Variants in SNX29 observed in about 807,000 individuals in gnomAD.
SNX29 encodes sorting nexin 29.
Under a neutral mutation model 102.1 loss-of-function variants are expected in SNX29, and 78 were observed. The observed-to-expected ratio is 0.76, with a 90% CI of 0.64 to 0.92. The LOEUF (loss-of-function observed/expected upper bound fraction) is 0.92, where lower values mean the gene tolerates loss of function less well. SNX29 is among the 40% of genes least tolerant of loss of function. SNX29 has a pLI of 0.00. For missense variants in SNX29, 1,280 were observed against 1,061.7 expected (o/e 1.21, Z -2.86); for synonymous variants, 580 against 414.5 (o/e 1.40, Z -4.85).
chr16:12,512,421 T>G (rs2089672928), intron 19 of SNX29, among the ~76,000 whole-genome samples: 2 of 120,638 alleles, frequency 1.7e-5, no homozygotes, highest in African/African-American at 3.2e-5. Context: ...TATATATAGT[T>G]TTCGGTTTTT....
At chr16:12,485,527 C>T (rs1384407258) in intron 19 of SNX29, among the ~76,000 whole-genome samples, 14 of 152,180 alleles carry the variant, frequency 9.2e-5, no homozygotes, top group Admixed American at 9.2e-4. Context: ...GAGGAACCGA[C>T]TGGTACTCGC....
At chr16:12,503,308 T>C (rs1597637866) in intron 19 of SNX29, among the ~76,000 whole-genome samples, 2 of 152,196 alleles carry the variant, frequency 1.3e-5, no homozygotes, top group Middle Eastern at 3.4e-3. Flanking sequence ...ATAACATAGC[T>C]CGTGTTTATT....
intron 3 of SNX29, among the ~76,000 whole-genome samples, chr16:12,011,352 T>G (rs1335418716): frequency 2.6e-5 from 4 of 151,968 alleles, no homozygotes; most frequent in Non-Finnish European, 4.4e-5. Context: ...CTTGGCTCAC[T>G]GCAACCTCTG....
intron 15 of SNX29, among the ~76,000 whole-genome samples, chr16:12,336,976 C>T (rs767142160): frequency 6.6e-6 from 1 of 152,152 alleles, no homozygotes; most frequent in African/African-American, 2.4e-5. Context: ...AAAACAGACA[C>T]CACAAGAAGC....
At chr16:12,068,963 A>G in intron 9 of SNX29, 94 bp from the exon 10 acceptor site, 2 of 1,170,278 alleles carry the variant, frequency 1.7e-6, no homozygotes, top group Non-Finnish European at 1.2e-6. Context: ...CAAGTGATGT[A>G]GCAGATGAGC....
chr16:12,247,626 G>A (rs2142352920), intron 14 of SNX29, among the ~76,000 whole-genome samples: 1 of 152,318 alleles, frequency 6.6e-6, no homozygotes. Context: ...GCTCAGCAGG[G>A]CCTGCATTTC....
At chr16:12,097,093 A>T (rs1484760034) in intron 11 of SNX29, among the ~76,000 whole-genome samples, 1 of 152,166 alleles carries the variant, frequency 6.6e-6, no homozygotes, top group African/African-American at 2.4e-5. Context: ...GGATGTCGGG[A>T]TGGGCTTGAG....
chr16:12,373,160 T>G (rs985188781), intron 16 of SNX29: 3 of 152,242 alleles, frequency 2.0e-5, no homozygotes, highest in Non-Finnish European at 4.4e-5. Context: ...TAAGAGACAG[T>G]CTCGCTGTGT....
chr16:12,036,419 C>G (rs2057475803), intron 4 of SNX29, among the ~76,000 whole-genome samples: 1 of 151,120 alleles, frequency 6.6e-6, no homozygotes, highest in African/African-American at 2.4e-5. Context: ...ACTGCCAGCT[C>G]CGCCTCCCGG....
At position 12,183,254 on chromosome 16, in the gene SNX29, G is replaced by C. The variant is rs180788045; in HGVS notation, c.1596-16347G>C. On this transcript the variant is annotated intron_variant, in intron 13 of 20. Coordinates refer to ENST00000566228, the MANE Select transcript of SNX29 (RefSeq NM_032167.5). ...GGGCTCAAGCGATCCTCCCGCCTTA[G>C]CCTCCCAAAGTGCTGAGATTACAGG... Among the ~76,000 whole-genome samples the C allele has an allele frequency of 2.0e-5, 3 of 152,302 alleles. No homozygotes were observed. In the East Asian group the frequency reaches 5.8e-4, roughly 29 times the overall value.
intron 20 of SNX29, chr16:12,527,285 A>G (rs1442532966): frequency 3.8e-6 from 2 of 531,736 alleles, no homozygotes; most frequent in Non-Finnish European, 7.3e-6. Context: ...TCCTTTCTCC[A>G]TGTGCTGCCC....
chr16:12,240,276 T>C (rs577656437), intron 14 of SNX29, among the ~76,000 whole-genome samples: 1 of 152,350 alleles, frequency 6.6e-6, no homozygotes, highest in South Asian at 2.1e-4. Flanking sequence ...TGGCAAAGAC[T>C]GTCAACATGC....
intron 17 of SNX29, 59 bp downstream of exon 17, chr16:12,398,560 T>C: frequency 1.3e-6 from 2 of 1,592,626 alleles, no homozygotes; most frequent in Non-Finnish European, 1.7e-6. Flanking sequence ...TGTTGTTGGC[T>C]TCTGTCCCAG....
intron 16 of SNX29, among the ~76,000 whole-genome samples, chr16:12,389,259 G>C (rs2083441145): frequency 6.6e-6 from 1 of 152,260 alleles, no homozygotes; most frequent in South Asian, 2.1e-4. Flanking sequence ...CATGAGAACT[G>C]ATATGGATTG....
At chr16:12,199,149 A>G (rs1258672257) in intron 13 of SNX29, among the ~76,000 whole-genome samples, 2 of 152,256 alleles carry the variant, frequency 1.3e-5, no homozygotes, top group Non-Finnish European at 2.9e-5. Context: ...GACACTTGAC[A>G]TGATGCCTGG....
At chr16:12,182,470 C>G (rs1319222607) in intron 13 of SNX29, among the ~76,000 whole-genome samples, 1 of 152,172 alleles carries the variant, frequency 6.6e-6, no homozygotes, top group Non-Finnish European at 1.5e-5. Flanking sequence ...AACGCTTGCT[C>G]ATTCAGAGCA....
intron 14 of SNX29, among the ~76,000 whole-genome samples, chr16:12,228,638 C>G (rs1336039454): frequency 6.6e-6 from 1 of 152,224 alleles, no homozygotes; most frequent in Non-Finnish European, 1.5e-5. Flanking sequence ...CTGACTTGGC[C>G]CTGCCCACCT....
intron 11 of SNX29, among the ~76,000 whole-genome samples, chr16:12,113,264 G>A (rs563626783): frequency 3.3e-5 from 5 of 152,234 alleles, no homozygotes; most frequent in Non-Finnish European, 5.9e-5. Flanking sequence ...AGGAGGTGCC[G>A]TCATGCCCAT....
chr16:12,457,476 C>G (rs1245679506), intron 18 of SNX29, among the ~76,000 whole-genome samples: 1 of 152,182 alleles, frequency 6.6e-6, no homozygotes, highest in Non-Finnish European at 1.5e-5. Flanking sequence ...GAATGGCCCA[C>G]ACTATACCTC....
Sources: allele counts gnomAD v4.1 joint callset (sites outside exome capture counted in the v4.1 genomes callset), GRCh38; gene constraint gnomAD v4.1.1; transcripts MANE v1.5; gene names NCBI Gene and HGNC (gene_info 2026-07-23, HGNC 2026-07-21).